The following KLHL32 variants were observed in gnomAD, a reference collection of about 807,000 sequenced individuals.
The protein encoded by KLHL32 is kelch like family member 32, also known as kelch-like protein 32.
In KLHL32, 35 loss-of-function variants were observed where a neutral mutation model predicts 64.8. The observed-to-expected ratio is 0.54, with a 90% CI of 0.41 to 0.72. The LOEUF (loss-of-function observed/expected upper bound fraction) is 0.72, where lower values mean the gene tolerates loss of function less well. KLHL32 is among the 30% of genes least tolerant of loss of function. The pLI, the probability that KLHL32 is intolerant of heterozygous loss-of-function variation, is 0.00. For missense variants in KLHL32, 589 were observed against 768.5 expected (o/e 0.77, Z 2.76); for synonymous variants, 259 against 281.0 (o/e 0.92, Z 0.78).
chr6:96,968,308 G>A lies in KLHL32; in HGVS notation c.23+1225G>A, dbSNP rs183300245. 4.4e-3 allele frequency among the ~76,000 whole-genome samples: 672 copies of A among 152,114 alleles called. 4 individuals are homozygous for A. The highest frequency in any genetic ancestry group is 7.5e-3 in the Non-Finnish European group (512 of 68,000). On this transcript the variant is annotated intron_variant, in intron 2 of 10. Transcript: ENST00000369261. ...TACATTTGGCATCTACTGGGTAGAG[G>A]CCAGGAATCATTTTAAACATCTTGC...
At chr6:97,005,860 G>A (rs1214686602) in intron 3 of KLHL32, among the ~76,000 whole-genome samples, 2 of 151,874 alleles carry the variant, frequency 1.3e-5, no homozygotes, top group Non-Finnish European at 2.9e-5. Context: ...TATATTTTCA[G>A]TTTTTTATTT....
At chr6:97,052,728 C>T (rs1480505896) in intron 4 of KLHL32, among the ~76,000 whole-genome samples, 1 of 152,114 alleles carries the variant, frequency 6.6e-6, no homozygotes, top group Non-Finnish European at 1.5e-5. Context: ...AGTATTGACT[C>T]GATTGAGAAG....
rs149163682 is a variant in KLHL32, at chr6:96,933,631, C to T, written c.-66+8605C>T. 1.6e-3 allele frequency among the ~76,000 whole-genome samples: 243 copies of T among 152,268 alleles called. 1 individual carries two copies. Among genetic ancestry groups the T allele is most frequent in the African/African-American group, 5.1e-3 (211 of 41,536 alleles). On this transcript the variant is annotated intron_variant, in intron 1 of 10. Transcript: ENST00000369261. ...GACCTCAGGGATGGAAGCATATTGA[C>T]AGTTTCAGGAGAGAGTCTTTCTATG... is the stretch of plus-strand genomic sequence containing the variant.
intron 3 of KLHL32, among the ~76,000 whole-genome samples, chr6:97,032,628 G>A (rs561294183): frequency 1.3e-5 from 2 of 152,130 alleles, no homozygotes; most frequent in Admixed American, 6.5e-5. Flanking sequence ...CTGTATATAC[G>A]GGATTGGTGG....
chr6:97,130,977 G>T (rs1431719605), intron 9 of KLHL32, 28 bp downstream of exon 9: 2 of 1,592,110 alleles, frequency 1.3e-6, no homozygotes, highest in Non-Finnish European at 1.7e-6. Context: ...AGTAAATCAG[G>T]AAAAGTAGAT....
chr6:97,023,902 T>C (rs778825287), intron 3 of KLHL32, among the ~76,000 whole-genome samples: 1 of 152,216 alleles, frequency 6.6e-6, no homozygotes, highest in Non-Finnish European at 1.5e-5. Context: ...TAGGCTCTTC[T>C]TGTCTTGTCC....
chr6:97,104,455 C>T (rs1796138050), intron 6 of KLHL32, among the ~76,000 whole-genome samples: 1 of 152,130 alleles, frequency 6.6e-6, no homozygotes, highest in African/African-American at 2.4e-5. Context: ...TAACATTTAC[C>T]AATCTTTCAA....
At chr6:97,011,100 G>A (rs566419990) in intron 3 of KLHL32, among the ~76,000 whole-genome samples, 90 of 152,268 alleles carry the variant, frequency 5.9e-4, no homozygotes, top group Non-Finnish European at 1.2e-3. Context: ...GAGGGACAGC[G>A]TTTGGACATG....
chr6:97,068,072 A>C (rs543704519), intron 5 of KLHL32, among the ~76,000 whole-genome samples: 5 of 152,106 alleles, frequency 3.3e-5, no homozygotes. Flanking sequence ...ACAATGCCAT[A>C]AGATCAGGAA....
intron 5 of KLHL32, among the ~76,000 whole-genome samples, chr6:97,069,424 A>T (rs988893170): frequency 6.8e-6 from 1 of 147,728 alleles, no homozygotes; most frequent in African/African-American, 2.5e-5. Context: ...TTTTGTACCA[A>T]TGGCAATTTC....
intron 3 of KLHL32, 41 bp from the exon 4 acceptor site, chr6:97,041,451 T>C: frequency 7.2e-7 from 1 of 1,382,874 alleles, no homozygotes. Flanking sequence ...TCCCTTGCTG[T>C]CAAAGTCTCA....
chr6:96,908,067 C>G, the KLHL32 span, among the ~76,000 whole-genome samples: 1 of 152,194 alleles, frequency 6.6e-6, no homozygotes, highest in African/African-American at 2.4e-5. Flanking sequence ...ACATTGTACT[C>G]CTGTGTACTG....
At chr6:96,956,551 T>G (rs1346123982) in intron 1 of KLHL32, among the ~76,000 whole-genome samples, 1 of 152,206 alleles carries the variant, frequency 6.6e-6, no homozygotes, top group Non-Finnish European at 1.5e-5. Flanking sequence ...CTCTCCATCC[T>G]TTAGTGCTCC....
the KLHL32 span, among the ~76,000 whole-genome samples, chr6:96,905,685 A>AT: frequency 5.3e-5 from 8 of 152,354 alleles, no homozygotes; most frequent in South Asian, 1.7e-3. Flanking sequence ...AACATTCAAA[A>AT]ACTATTAGCT....
At chr6:96,999,406 A>AT (rs796651550) in intron 3 of KLHL32, 1 of 321,820 alleles carries the variant, frequency 3.1e-6, no homozygotes, top group South Asian at 1.3e-4. Context: ...AACAACAACA[A>AT]CAACAAAGAG....
intron 1 of KLHL32, among the ~76,000 whole-genome samples, chr6:96,953,393 G>A (rs1206609934): frequency 6.6e-6 from 1 of 152,150 alleles, no homozygotes; most frequent in Non-Finnish European, 1.5e-5. Flanking sequence ...ACTTTGGTAG[G>A]CTAAGGCAGG....
chr6:97,002,725 A>G (rs1779194557), intron 3 of KLHL32, among the ~76,000 whole-genome samples: 1 of 152,112 alleles, frequency 6.6e-6, no homozygotes, highest in Non-Finnish European at 1.5e-5. Context: ...ATCACGCAGT[A>G]TTTGGTTTTC....
chr6:96,944,728 G>A (rs1204536389), intron 1 of KLHL32, among the ~76,000 whole-genome samples: 3 of 152,180 alleles, frequency 2.0e-5, no homozygotes. Context: ...GTTAGAAGAC[G>A]AGATTTGTTG....
chr6:96,904,426 T>C, the KLHL32 span, among the ~76,000 whole-genome samples: 1 of 151,358 alleles, frequency 6.6e-6, no homozygotes, highest in African/African-American at 2.4e-5. Flanking sequence ...AAAATTATTA[T>C]GCATCTCGAA....
Sources: allele counts gnomAD v4.1 joint callset (sites outside exome capture counted in the v4.1 genomes callset), GRCh38; gene constraint gnomAD v4.1.1; transcripts MANE v1.5; gene names NCBI Gene and HGNC (gene_info 2026-07-23, HGNC 2026-07-21).